Variants in IL1RAPL1 observed in about 807,000 individuals in gnomAD.
The protein encoded by IL1RAPL1 is interleukin-1 receptor accessory protein-like 1.
IL1RAPL1 carries 3 observed loss-of-function variants against 48.4 expected under a neutral mutation model. That is an observed-to-expected ratio of 0.06 (90% CI 0.03 to 0.16). IL1RAPL1 has a LOEUF of 0.16. Among genes scored for constraint, IL1RAPL1 ranks in the 10% least tolerant of loss-of-function variants. IL1RAPL1 has a pLI of 1.00. For synonymous variants in IL1RAPL1, 185 were observed against 187.7 expected, an observed-to-expected ratio of 0.99 and a Z score of 0.12; for missense variants, 349 against 530.6, an observed-to-expected ratio of 0.66 and a Z score of 3.36.
chrX:29,820,248 A>G (rs1930583798), intron 6 of IL1RAPL1, among the ~76,000 whole-genome samples: 1 of 110,532 alleles, frequency 9.0e-6, no homozygotes, highest in Admixed American at 9.8e-5. Context: ...AGTATATCAT[A>G]TGAAAGAGAT....
chrX:29,495,445 T>G (rs1935203006), intron 5 of IL1RAPL1, among the ~76,000 whole-genome samples: 1 of 111,747 alleles, frequency 8.9e-6, no homozygotes, highest in Non-Finnish European at 1.9e-5. Flanking sequence ...TTTGTCAGTT[T>G]TGTGCATCTA....
At chrX:28,940,269 C>T (rs1924132301) in intron 2 of IL1RAPL1, among the ~76,000 whole-genome samples, 1 of 110,507 alleles carries the variant, frequency 9.0e-6, no homozygotes, top group South Asian at 3.8e-4. Context: ...AAATGAGAAA[C>T]AGTAAATTAT....
intron 2 of IL1RAPL1, among the ~76,000 whole-genome samples, chrX:29,095,189 C>T (rs1428369952): frequency 9.0e-6 from 1 of 111,185 alleles, no homozygotes; most frequent in African/African-American, 3.3e-5. Context: ...TTCTTTTTCT[C>T]ATAGACTTGT....
chrX:28,799,233 G>A (rs1004409661), intron 2 of IL1RAPL1, among the ~76,000 whole-genome samples: 2 of 112,155 alleles, frequency 1.8e-5, no homozygotes, highest in African/African-American at 6.5e-5. Context: ...AACTTGAAAT[G>A]ACTACTTATT....
At chrX:29,545,331 AGTTT>A (rs1921593056) in intron 5 of IL1RAPL1, among the ~76,000 whole-genome samples, 1 of 110,962 alleles carries the variant, frequency 9.0e-6, no homozygotes, top group South Asian at 3.7e-4. Context: ...TCCAGTGTAT[AGTTT>A]GTTATTATTT....
intron 2 of IL1RAPL1, among the ~76,000 whole-genome samples, chrX:28,965,581 A>C (rs1924899597): frequency 8.9e-6 from 1 of 112,008 alleles, no homozygotes; most frequent in South Asian, 3.7e-4. Context: ...GCATAATATC[A>C]GAGAGACTTG....
Position 28,601,788 on chromosome X carries a change from G to T in IL1RAPL1, c.-25+13741G>T, listed in dbSNP as rs912268584. On this transcript the variant is annotated intron_variant, in intron 1 of 10. Coordinates refer to ENST00000378993, the MANE Select transcript of IL1RAPL1 (RefSeq NM_014271.4). ...AGATTCCTTCTCTGGCTTTGGCTTG[G>T]TTTTTTTGGAATAATAATAATAAAA... is the stretch of plus-strand genomic sequence containing the variant. Among the ~76,000 whole-genome samples the T allele has an allele frequency of 6.4e-5, 7 of 110,107 alleles. No individual in the cohort carries two copies. In the East Asian group the frequency reaches 1.1e-3, roughly 18 times the overall value.
intron 3 of IL1RAPL1, among the ~76,000 whole-genome samples, chrX:29,342,150 G>T (rs774989095): frequency 4.3e-5 from 4 of 93,856 alleles, no homozygotes; most frequent in African/African-American, 2.1e-4. Flanking sequence ...GTGTGTGTGT[G>T]TGTGTTTGTT....
At chrX:29,409,546 T>A (rs1934114512) in intron 5 of IL1RAPL1, among the ~76,000 whole-genome samples, 1 of 111,452 alleles carries the variant, frequency 9.0e-6, no homozygotes, top group Non-Finnish European at 1.9e-5. Context: ...ATATACTAAA[T>A]GGGTTGTTCA....
chrX:29,249,709 G>C (rs781317136), intron 2 of IL1RAPL1, among the ~76,000 whole-genome samples: 140 of 111,599 alleles, frequency 1.3e-3, no homozygotes, highest in African/African-American at 4.5e-3. Flanking sequence ...TTACAATAGT[G>C]GAAAATGGGC....
intron 5 of IL1RAPL1, among the ~76,000 whole-genome samples, chrX:29,594,196 T>C (rs978636408): frequency 5.4e-5 from 6 of 112,111 alleles, no homozygotes; most frequent in African/African-American, 1.9e-4. Flanking sequence ...CTCAAATCAG[T>C]GAAGAATTCC....
chrX:29,695,237 C>T (rs1024264226), intron 6 of IL1RAPL1, among the ~76,000 whole-genome samples: 1 of 111,490 alleles, frequency 9.0e-6, no homozygotes, highest in African/African-American at 3.3e-5. Flanking sequence ...GCTTGAGGTA[C>T]AGAGAGGTTT....
At chrX:29,879,667 G>A (rs765640790) in intron 6 of IL1RAPL1, among the ~76,000 whole-genome samples, 11 of 109,979 alleles carry the variant, frequency 1.0e-4, no homozygotes, top group Admixed American at 2.0e-4. Context: ...AGCTATTTCC[G>A]TTTTAAAAAT....
intron 2 of IL1RAPL1, among the ~76,000 whole-genome samples, chrX:28,977,088 G>T (rs1474331491): frequency 8.9e-6 from 1 of 112,268 alleles, no homozygotes; most frequent in African/African-American, 3.2e-5. Context: ...ACTGTTTCCA[G>T]GAGGAAAGAA....
At chrX:29,254,555 T>C (rs139170184) in intron 2 of IL1RAPL1, among the ~76,000 whole-genome samples, 7 of 110,888 alleles carry the variant, frequency 6.3e-5, no homozygotes, top group African/African-American at 2.3e-4. Flanking sequence ...GGTTATAAGA[T>C]TATATTCATG....
intron 2 of IL1RAPL1, among the ~76,000 whole-genome samples, chrX:29,060,986 T>C (rs984918683): frequency 4.5e-5 from 5 of 111,330 alleles, no homozygotes; most frequent in Non-Finnish European, 9.4e-5. Context: ...TAGATTCCTA[T>C]AATGGGGTTC....
At chrX:29,387,958 A>G (rs757303149) in intron 3 of IL1RAPL1, among the ~76,000 whole-genome samples, 33 of 107,138 alleles carry the variant, frequency 3.1e-4, no homozygotes, top group Admixed American at 9.1e-4. Flanking sequence ...ATGCCGCTGC[A>G]CTCCAGGCTG....
At chrX:29,379,215 G>C (rs1343151360) in intron 3 of IL1RAPL1, among the ~76,000 whole-genome samples, 5 of 112,615 alleles carry the variant, frequency 4.4e-5, no homozygotes, top group African/African-American at 1.3e-4. Flanking sequence ...AAAGCATCCA[G>C]GCTGGGCAGC....
intron 2 of IL1RAPL1, among the ~76,000 whole-genome samples, chrX:29,167,404 A>G (rs1418528966): frequency 1.9e-5 from 2 of 107,972 alleles, no homozygotes; most frequent in Non-Finnish European, 3.8e-5. Flanking sequence ...GTATAATCAA[A>G]AAGTCTGGAG....
Sources: allele counts gnomAD v4.1 joint callset (sites outside exome capture counted in the v4.1 genomes callset), GRCh38; gene constraint gnomAD v4.1.1; transcripts MANE v1.5; gene names NCBI Gene and HGNC (gene_info 2026-07-23, HGNC 2026-07-21).